The following RAD51B variants were observed in gnomAD, a reference collection of about 807,000 sequenced individuals.
RAD51B encodes the protein DNA repair protein RAD51 homolog 2.
In RAD51B, 38 loss-of-function variants were observed where a neutral mutation model predicts 42.2. The observed-to-expected ratio is 0.90, with a 90% CI of 0.70 to 1.18. RAD51B has a LOEUF of 1.18. RAD51B is among the 50% of genes most tolerant of loss of function. The pLI is 0.00. For missense variants in RAD51B, 373 were observed against 400.7 expected, an observed-to-expected ratio of 0.93 and a Z score of 0.59; for synonymous variants, 154 against 145.2, an observed-to-expected ratio of 1.06 and a Z score of -0.43.
intron 8 of RAD51B, among the ~76,000 whole-genome samples, chr14:68,349,708 G>C (rs1275023581): frequency 2.0e-5 from 3 of 152,100 alleles, no homozygotes; most frequent in Admixed American, 2.0e-4. Context: ...TTGATATCCT[G>C]CTTGAACATG....
chr14:67,844,593 C>G (rs911710774), intron 4 of RAD51B, among the ~76,000 whole-genome samples: 31 of 147,840 alleles, frequency 2.1e-4, no homozygotes, highest in Non-Finnish European at 3.7e-4. Context: ...ATGTAGTGCC[C>G]TTGTCTTTTA....
At chr14:67,887,840 G>T (rs1196551055) in intron 7 of RAD51B, among the ~76,000 whole-genome samples, 5 of 152,168 alleles carry the variant, frequency 3.3e-5, no homozygotes, top group Non-Finnish European at 7.4e-5. Flanking sequence ...ACAAGGGCTT[G>T]TGATGTGTAA....
At chr14:67,926,685 T>TC (rs748062875) in intron 7 of RAD51B, among the ~76,000 whole-genome samples, 4 of 146,408 alleles carry the variant, frequency 2.7e-5, no homozygotes, top group Non-Finnish European at 6.0e-5. Flanking sequence ...TGCCTCAGCC[T>TC]CCCAAGTAGC....
intron 7 of RAD51B, among the ~76,000 whole-genome samples, chr14:68,108,735 T>C (rs924698850): frequency 6.6e-6 from 1 of 151,924 alleles, no homozygotes; most frequent in Non-Finnish European, 1.5e-5. Flanking sequence ...AAACACTGAA[T>C]TATATACTTT....
chr14:67,910,815 ATTT>A (rs575568902), intron 7 of RAD51B, among the ~76,000 whole-genome samples: 2 of 144,536 alleles, frequency 1.4e-5, no homozygotes, highest in Non-Finnish European at 1.5e-5. Flanking sequence ...GCCCAATGTC[ATTT>A]TTTTTTTTTT....
rs117352104 is a variant in RAD51B, at chr14:68,670,458, G to T, written c.*11+19602G>T. 3.7e-4 allele frequency among the ~76,000 whole-genome samples: 57 copies of T among 152,250 alleles called. No homozygotes were observed. The East Asian group carries it at 0.01, about 27-fold the overall frequency. On this transcript the variant is annotated intron_variant, in intron 11 of 11. Coordinates refer to the RAD51B transcript ENST00000488612. ...CTTCCTCCCTTACATTTGCTTCTTG[G>T]TCTCATGAATCCAAGGAGAGGGCAC...
chr14:68,647,000 C>A (rs550194217), intron 10 of RAD51B, among the ~76,000 whole-genome samples: 1 of 152,148 alleles, frequency 6.6e-6, no homozygotes, highest in Non-Finnish European at 1.5e-5. Context: ...TATTGAGCAT[C>A]TTCTGTGGGT....
intron 8 of RAD51B, chr14:68,339,297 G>C (rs2082524594): frequency 4.4e-6 from 4 of 901,590 alleles, no homozygotes; most frequent in Non-Finnish European, 5.4e-6. Context: ...GTTAATGGCA[G>C]GAGGCACTTA....
intron 9 of RAD51B, among the ~76,000 whole-genome samples, chr14:68,429,508 G>A (rs557002251): frequency 1.3e-5 from 2 of 152,264 alleles, no homozygotes; most frequent in African/African-American, 2.4e-5. Context: ...ATGGCCAGTG[G>A]TAATGAGCAT....
intron 7 of RAD51B, among the ~76,000 whole-genome samples, chr14:68,148,520 A>G (rs759467815): frequency 6.6e-6 from 1 of 152,244 alleles, no homozygotes; most frequent in African/African-American, 2.4e-5. Flanking sequence ...TCTGATACAG[A>G]TGTTCCCCAA....
chr14:68,558,905 A>G (rs1478528819), intron 10 of RAD51B, among the ~76,000 whole-genome samples: 1 of 152,150 alleles, frequency 6.6e-6, no homozygotes, highest in African/African-American at 2.4e-5. Context: ...CCATGGCCTT[A>G]TAGGGAATCC....
At chr14:67,825,902 A>G (rs1182250484) in intron 3 of RAD51B, among the ~76,000 whole-genome samples, 1 of 151,862 alleles carries the variant, frequency 6.6e-6, no homozygotes, top group East Asian at 1.9e-4. Flanking sequence ...ACTTATTTTT[A>G]TATTATTAGT....
intron 7 of RAD51B, among the ~76,000 whole-genome samples, chr14:68,090,820 TAG>T (rs1204230803): frequency 6.6e-6 from 1 of 151,168 alleles, no homozygotes; most frequent in Non-Finnish European, 1.5e-5. Flanking sequence ...CATTTAGCAT[TAG>T]GTATATCTCC....
chr14:68,379,008 A>G (rs2083427225), intron 8 of RAD51B, among the ~76,000 whole-genome samples: 1 of 152,212 alleles, frequency 6.6e-6, no homozygotes, highest in Admixed American at 6.5e-5. Flanking sequence ...TCATCCAATT[A>G]CAGCAACAAA....
intron 10 of RAD51B, among the ~76,000 whole-genome samples, chr14:68,640,055 G>A (rs932315194): frequency 6.6e-6 from 1 of 152,166 alleles, no homozygotes; most frequent in Non-Finnish European, 1.5e-5. Context: ...ACCCACCTCA[G>A]CCTCCCAAAG....
At chr14:68,129,487 T>A (rs1284896359) in intron 7 of RAD51B, among the ~76,000 whole-genome samples, 1 of 151,906 alleles carries the variant, frequency 6.6e-6, no homozygotes, top group Non-Finnish European at 1.5e-5. Flanking sequence ...GCAACAGCAG[T>A]GAGGTGCCTG....
chr14:68,235,703 CAAAAAAAA>C (rs57180468), intron 7 of RAD51B, among the ~76,000 whole-genome samples: 1,617 of 13,742 alleles, frequency 0.12, 14 homozygotes, highest in African/African-American at 0.26. Flanking sequence ...GACTCCGTCT[CAAAAAAAA>C]AAAAAAAAAA....
At chr14:68,227,535 TAA>T (rs1418023299) in intron 7 of RAD51B, among the ~76,000 whole-genome samples, 1 of 152,208 alleles carries the variant, frequency 6.6e-6, no homozygotes, top group African/African-American at 2.4e-5. Flanking sequence ...AAAAAAGTAA[TAA>T]GTGTTAGCAC....
At chr14:68,645,611 C>T (rs1462487927) in intron 10 of RAD51B, among the ~76,000 whole-genome samples, 1 of 152,122 alleles carries the variant, frequency 6.6e-6, no homozygotes, top group Non-Finnish European at 1.5e-5. Flanking sequence ...ATTTTAAATT[C>T]CCACCAATAG....
Sources: gnomAD v4.1 joint callset for allele counts (sites outside exome capture counted in the v4.1 genomes callset) on GRCh38, gnomAD v4.1.1 for gene constraint, MANE v1.5 for transcripts, NCBI Gene and HGNC (gene_info 2026-07-23, HGNC 2026-07-21) for gene names.